UGT1A8: variants seen among roughly 807,000 people sequenced by gnomAD.
UGT1A8 encodes the protein UDP glucuronosyltransferase family 1 member A8, also known as UDP-glucuronosyltransferase 1A8.
UGT1A8 carries 39 observed loss-of-function variants against 45.3 expected under a neutral mutation model. The observed-to-expected ratio is 0.86, with a 90% CI of 0.67 to 1.12. The LOEUF (loss-of-function observed/expected upper bound fraction) is 1.12, where lower values mean the gene tolerates loss of function less well. UGT1A8 is among the 50% of genes most tolerant of loss of function. The pLI is 0.00. For missense variants in UGT1A8, 719 were observed against 664.9 expected, an observed-to-expected ratio of 1.08 and a Z score of -0.90; for synonymous variants, 275 against 249.2, an observed-to-expected ratio of 1.10 and a Z score of -0.97.
At chr2:233,736,545 G>A (rs1335002348) in intron 1 of UGT1A8, among the ~76,000 whole-genome samples, 1 of 152,160 alleles carries the variant, frequency 6.6e-6, no homozygotes, top group Non-Finnish European at 1.5e-5. Context: ...TTCCAGCTTT[G>A]CTCCATTGCT....
In UGT1A8 at chr2:233,724,313, C is replaced by T. The variant is rs1238022468; in HGVS notation, c.856-42721C>T. ...CTGACCCCCCCACCTCCCTCCCGGA[C>T]GGGGCGGCTGGCCAGGCGGGGGGCT... On this transcript the variant is annotated intron_variant, in intron 1 of 4. Coordinates refer to ENST00000373450, the MANE Select transcript of UGT1A8 (RefSeq NM_019076.5). Among the ~76,000 whole-genome samples the T allele has an allele frequency of 7.3e-4, 99 of 136,280 alleles. No homozygotes were observed. In the Middle Eastern group the frequency reaches 0.011, roughly 16 times the overall value. 89.4% of individuals were successfully genotyped at this position (136,280 alleles called of 152,430 possible).
chr2:233,756,036 T>G (rs1696097976), intron 1 of UGT1A8: 1 of 152,224 alleles, frequency 6.6e-6, no homozygotes, highest in Non-Finnish European at 1.5e-5. Context: ...CCATGTAGCT[T>G]CTGGAAAACT....
chr2:233,692,382 A>T (rs1465003326), intron 1 of UGT1A8: 1 of 155,436 alleles, frequency 6.4e-6, no homozygotes, highest in Non-Finnish European at 1.4e-5. Flanking sequence ...GATTGACTCC[A>T]AGAAAGAGGG....
chr2:233,757,047 T>C (rs1479467900), intron 1 of UGT1A8, among the ~76,000 whole-genome samples: 1 of 151,210 alleles, frequency 6.6e-6, no homozygotes, highest in Non-Finnish European at 1.5e-5. Context: ...CAAAGGAAGT[T>C]TGGGGAACAG....
chr2:233,678,261 A>T (rs2074412967), intron 1 of UGT1A8, among the ~76,000 whole-genome samples: 1 of 152,216 alleles, frequency 6.6e-6, no homozygotes, highest in South Asian at 2.1e-4. Context: ...CATCAGCATC[A>T]CACAATATAC....
intron 1 of UGT1A8, among the ~76,000 whole-genome samples, chr2:233,695,276 C>T (rs1302622069): frequency 1.3e-5 from 2 of 151,994 alleles, no homozygotes; most frequent in Admixed American, 1.3e-4. Context: ...TAGGCATGTG[C>T]CACCATTCCC....
chr2:233,756,601 A>G (rs1696268124), intron 1 of UGT1A8, among the ~76,000 whole-genome samples: 1 of 152,212 alleles, frequency 6.6e-6, no homozygotes, highest in Admixed American at 6.5e-5. Context: ...TACTGTATCG[A>G]AACCATTAAG....
chr2:233,671,998 T>A, intron 1 of UGT1A8: 1 of 1,614,132 alleles, frequency 6.2e-7, no homozygotes, highest in East Asian at 2.2e-5. Flanking sequence ...GACCTGTGGC[T>A]TTGCCGAGGC....
intron 1 of UGT1A8, among the ~76,000 whole-genome samples, chr2:233,750,424 A>T (rs1378744629): frequency 2.6e-5 from 4 of 151,872 alleles, no homozygotes; most frequent in Non-Finnish European, 5.9e-5. Context: ...GAAAAGAAAA[A>T]CCCATTTTAT....
chr2:233,743,985 A>G (rs1333314866), intron 1 of UGT1A8: 3 of 1,283,108 alleles, frequency 2.3e-6, no homozygotes, highest in Non-Finnish European at 3.1e-6. Context: ...ACCCAGGCGC[A>G]GGCCCGAGTG....
chr2:233,681,973 A>T (rs768736320), intron 1 of UGT1A8: 1 of 1,614,064 alleles, frequency 6.2e-7, no homozygotes, highest in South Asian at 1.1e-5. Context: ...TCCTTCCCCT[A>T]TATGTGTGTC....
chr2:233,675,766 G>T (rs924874069), intron 1 of UGT1A8, among the ~76,000 whole-genome samples: 3 of 151,940 alleles, frequency 2.0e-5, no homozygotes, highest in African/African-American at 7.3e-5. Context: ...TCTTTTTAAA[G>T]AAAACTTTTA....
In UGT1A8 at chr2:233,667,472, G is replaced by T. The variant is rs576011120; in HGVS notation, c.855+48910G>T. Among the ~76,000 whole-genome samples the T allele has an allele frequency of 3.1e-3, 474 of 152,288 alleles. 4 individuals are homozygous for T. The highest frequency in any genetic ancestry group is 0.011 in the African/African-American group (452 of 41,552). Reference sequence around the variant, plus strand: ...ATTACCATTCAGGACATAGGCATGGGCAAGGACTTCATGTCTAAAACACCA... The same window carrying T: ...ATTACCATTCAGGACATAGGCATGGTCAAGGACTTCATGTCTAAAACACCA... On this transcript the variant is annotated intron_variant, in intron 1 of 4. Transcript: ENST00000373450.
At chr2:233,715,729 G>A (rs754544247) in intron 1 of UGT1A8, among the ~76,000 whole-genome samples, 1 of 152,122 alleles carries the variant, frequency 6.6e-6, no homozygotes, top group Non-Finnish European at 1.5e-5. Flanking sequence ...CCATGTTCAC[G>A]CCACCTCACT....
chr2:233,739,629 T>G (rs1457443905), intron 1 of UGT1A8, among the ~76,000 whole-genome samples: 1 of 152,190 alleles, frequency 6.6e-6, no homozygotes, highest in Non-Finnish European at 1.5e-5. Flanking sequence ...CCATTTGAAA[T>G]GGGAACATTT....
intron 1 of UGT1A8, among the ~76,000 whole-genome samples, chr2:233,674,706 A>T (rs2074293686): frequency 6.6e-6 from 1 of 152,220 alleles, no homozygotes; most frequent in Admixed American, 6.5e-5. Context: ...TGGATGTATG[A>T]AAGTTTTTAT....
intron 1 of UGT1A8, chr2:233,760,235 T>C (rs1697361958): frequency 1.4e-5 from 17 of 1,221,898 alleles, no homozygotes; most frequent in Non-Finnish European, 1.8e-5. Context: ...GTTTTTGCCA[T>C]ATATATATAT....
intron 1 of UGT1A8, among the ~76,000 whole-genome samples, chr2:233,679,969 T>C (rs1273128674): frequency 6.6e-6 from 1 of 152,200 alleles, no homozygotes; most frequent in Admixed American, 6.5e-5. Context: ...CTGGCATAGC[T>C]GCAGCAATGT....
intron 1 of UGT1A8, among the ~76,000 whole-genome samples, chr2:233,665,322 A>G (rs186773223): frequency 1.6e-3 from 246 of 152,320 alleles, no homozygotes; most frequent in South Asian, 8.3e-3. Context: ...GCACATTAGT[A>G]TGTAAACACT....
Sources: gnomAD v4.1 joint callset for allele counts (sites outside exome capture counted in the v4.1 genomes callset) on GRCh38, gnomAD v4.1.1 for gene constraint, MANE v1.5 for transcripts, NCBI Gene and HGNC (gene_info 2026-07-23, HGNC 2026-07-21) for gene names.